The following LEMD3 variants were observed in gnomAD, a reference collection of about 807,000 sequenced individuals.
LEMD3 encodes the protein LEM domain containing 3.
Under a neutral mutation model 95.2 loss-of-function variants are expected in LEMD3, and 33 were observed. The ratio of observed to expected loss-of-function variants is 0.35; its 90% CI spans 0.26 to 0.46. The LOEUF (loss-of-function observed/expected upper bound fraction) is 0.46, where lower values mean the gene tolerates loss of function less well. Among genes scored for constraint, LEMD3 ranks in the 20% least tolerant of loss-of-function variants. The pLI, the probability that LEMD3 is intolerant of heterozygous loss-of-function variation, is 1.00. For synonymous variants in LEMD3, 525 were observed against 474.6 expected (o/e 1.11, Z -1.38); for missense variants, 1,210 against 1,192.8 (o/e 1.01, Z -0.21).
chr12:65,190,374 C>T (rs1470398909), intron 1 of LEMD3, among the ~76,000 whole-genome samples: 1 of 152,080 alleles, frequency 6.6e-6, no homozygotes, highest in Non-Finnish European at 1.5e-5. Flanking sequence ...TTATACCTCT[C>T]TAGTATTAAT....
intron 1 of LEMD3, among the ~76,000 whole-genome samples, chr12:65,196,117 G>A (rs1400586688): frequency 6.6e-6 from 1 of 150,718 alleles, no homozygotes; most frequent in Non-Finnish European, 1.5e-5. Flanking sequence ...TAAAGCATTT[G>A]TCTAGCTTTT....
intron 2 of LEMD3, among the ~76,000 whole-genome samples, chr12:65,214,773 G>A (rs1390111554): frequency 6.6e-6 from 1 of 152,132 alleles, no homozygotes; most frequent in African/African-American, 2.4e-5. Flanking sequence ...AGAGCCCCCT[G>A]ATAAATCATG....
intron 1 of LEMD3, among the ~76,000 whole-genome samples, chr12:65,189,978 A>C (rs1195855993): frequency 6.6e-6 from 1 of 152,120 alleles, no homozygotes; most frequent in African/African-American, 2.4e-5. Context: ...CTCAACTCTT[A>C]AGGCCAGGAA....
At chr12:65,211,970 T>A (rs1026573249) in intron 2 of LEMD3, among the ~76,000 whole-genome samples, 6 of 152,220 alleles carry the variant, frequency 3.9e-5, no homozygotes, top group African/African-American at 1.4e-4. Flanking sequence ...CTTGCCAAGT[T>A]GTATTAGTCT....
intron 1 of LEMD3, among the ~76,000 whole-genome samples, chr12:65,196,930 A>G (rs947462535): frequency 6.6e-6 from 1 of 152,184 alleles, no homozygotes; most frequent in East Asian, 1.9e-4. Flanking sequence ...TTATTTAAGC[A>G]AAGAATGATT....
At chr12:65,224,617 C>A (rs972732447) in intron 4 of LEMD3, among the ~76,000 whole-genome samples, 1 of 151,926 alleles carries the variant, frequency 6.6e-6, no homozygotes, top group Non-Finnish European at 1.5e-5. Flanking sequence ...TGGGGACTCC[C>A]TTGTATGTGA....
Position 65,239,889 on chromosome 12 carries a change from G to T in LEMD3, c.1922-40G>T. 4 of 1,348,186 alleles carry T rather than the reference G, an allele frequency of 3.0e-6. No individual in the cohort carries two copies. In the South Asian group the frequency reaches 4.8e-5, roughly 16 times the overall value. 83.5% of individuals were successfully genotyped at this position (1,348,186 alleles called of 1,614,324 possible). A position where few individuals can be genotyped will look rare whatever the true frequency, so the allele number is the denominator to read the frequency against. Reference sequence around the variant, plus strand: ...CACTGAAATATTATTGAATGATATTGACCACAATTTTTAAAATACAAAGTA... The same window carrying T: ...CACTGAAATATTATTGAATGATATTTACCACAATTTTTAAAATACAAAGTA... On this transcript the variant is annotated intron_variant, in intron 6 of 12. Coordinates refer to ENST00000308330, the MANE Select transcript of LEMD3 (RefSeq NM_014319.5).
At chr12:65,189,550 A>G (rs1018972698) in intron 1 of LEMD3, among the ~76,000 whole-genome samples, 3 of 152,228 alleles carry the variant, frequency 2.0e-5, no homozygotes, top group Admixed American at 2.0e-4. Context: ...TCAGAAACCA[A>G]GCAGTTTATA....
chr12:65,200,863 TA>T (rs967124166), intron 1 of LEMD3, among the ~76,000 whole-genome samples: 1 of 152,158 alleles, frequency 6.6e-6, no homozygotes, highest in African/African-American at 2.4e-5. Flanking sequence ...CTGTTGTATC[TA>T]AAAAGTCATT....
chr12:65,201,327 C>T (rs188622705), intron 1 of LEMD3, among the ~76,000 whole-genome samples: 6 of 152,162 alleles, frequency 3.9e-5, no homozygotes, highest in South Asian at 4.2e-4. Context: ...AACAGTATCC[C>T]GAAAATAATC....
chr12:65,245,345 TAGTC>T lies in LEMD3; in HGVS notation c.2388-321_2388-318del, dbSNP rs1239543496. 24 of 240,680 alleles carry T rather than the reference TAGTC, an allele frequency of 1.0e-4. No homozygotes were observed. In the Admixed American group the frequency reaches 1.0e-3, roughly 10 times the overall value. The allele number at this position is 240,680 out of a possible 1,614,324, so 14.9% of individuals were successfully genotyped here. On this transcript the variant is annotated intron_variant, in intron 10 of 12. Coordinates refer to ENST00000308330, the MANE Select transcript of LEMD3 (RefSeq NM_014319.5). ...TAGTAGAGACGGGGTTTCACCGTGT[TAGTC>T]AGGATGGTCTCGATCTCCTGACCTC... is the stretch of plus-strand genomic sequence containing the variant.
chr12:65,238,197 C>G (rs758169178), intron 4 of LEMD3, among the ~76,000 whole-genome samples: 1 of 152,042 alleles, frequency 6.6e-6, no homozygotes, highest in Non-Finnish European at 1.5e-5. Flanking sequence ...ATTGCTTGAA[C>G]CCAGGAGGCG....
intron 1 of LEMD3, among the ~76,000 whole-genome samples, chr12:65,184,514 C>T (rs1400104620): frequency 6.6e-6 from 1 of 152,094 alleles, no homozygotes; most frequent in Non-Finnish European, 1.5e-5. Context: ...AGTGTTTTCT[C>T]TTATACTTTT....
chr12:65,217,683 C>T (rs892116327), intron 3 of LEMD3, among the ~76,000 whole-genome samples: 2 of 152,148 alleles, frequency 1.3e-5, no homozygotes, highest in Admixed American at 6.5e-5. Flanking sequence ...GCCCTGAATT[C>T]GCTTCTTATC....
In LEMD3 at chr12:65,240,145, G is replaced by A. The variant is rs770458284; in HGVS notation, c.2033G>A (p.Arg678Gln). The A allele has an allele frequency of 1.4e-5, 22 of 1,611,930 alleles. No individual in the cohort carries two copies. Among genetic ancestry groups the A allele is most frequent in the Admixed American group, 5.0e-5 (3 of 59,978 alleles). ...TTTTATTTATTTTTAGATGTTTTAC[G>A]AAGTCATAATGAAGCCTGCCAGGAA... ...DMVVKIIDVL[R>Q]SHNEACQENK... Residue 678 changes from arginine (R) to glutamine (Q), a missense_variant, in exon 8 of 13, where the codon CGA becomes CAA. By Grantham distance (43) the Arg-to-Gln change is conservative. Coordinates refer to ENST00000308330, the MANE Select transcript of LEMD3 (RefSeq NM_014319.5).
chr12:65,172,381 C>T (rs1401671964), intron 1 of LEMD3, among the ~76,000 whole-genome samples: 1 of 151,958 alleles, frequency 6.6e-6, no homozygotes, highest in Non-Finnish European at 1.5e-5. Flanking sequence ...AGTTTTATTT[C>T]AAAATAGAGT....
At chr12:65,238,838 A>G (rs774521462) in intron 6 of LEMD3, 24 bp downstream of exon 6, 5 of 1,612,750 alleles carry the variant, frequency 3.1e-6, no homozygotes, top group Non-Finnish European at 4.2e-6. Context: ...ATAAGAAATG[A>G]GATAAATTGC....
At chr12:65,228,363 G>GTTTT (rs796190519) in intron 4 of LEMD3, among the ~76,000 whole-genome samples, 1 of 21,772 alleles carries the variant, frequency 4.6e-5, no homozygotes, top group Admixed American at 9.5e-4. Context: ...AGCTTTTTGT[G>GTTTT]TTTTATTATT....
chr12:65,238,367 T>A (rs982625257), intron 4 of LEMD3, 135 bp from the exon 5 acceptor site: 2 of 641,132 alleles, frequency 3.1e-6, no homozygotes, highest in East Asian at 2.8e-5. Context: ...TCATTCTTTT[T>A]AAAATTTTCT....
Sources: gnomAD v4.1 joint callset for allele counts (sites outside exome capture counted in the v4.1 genomes callset) on GRCh38, gnomAD v4.1.1 for gene constraint, MANE v1.5 for transcripts, NCBI Gene and HGNC (gene_info 2026-07-23, HGNC 2026-07-21) for gene names.